The following MPPE1 variants were observed in gnomAD, a reference collection of about 807,000 sequenced individuals.
MPPE1 encodes the protein metallophosphoesterase 1.
Under a neutral mutation model 43.8 loss-of-function variants are expected in MPPE1, and 28 were observed. The ratio of observed to expected loss-of-function variants is 0.64; its 90% CI spans 0.47 to 0.88. MPPE1 has a LOEUF of 0.88. Among genes scored for constraint, MPPE1 ranks in the 40% least tolerant of loss-of-function variants. The probability of loss-of-function intolerance (pLI) is 0.00; values close to 1 mark genes in which losing one functional copy is unlikely to be tolerated. For missense variants in MPPE1, 428 were observed against 492.2 expected (o/e 0.87, Z 1.23); for synonymous variants, 159 against 188.5 (o/e 0.84, Z 1.28).
chr18:11,889,868 A>G lies in MPPE1; in HGVS notation c.391-378T>C, dbSNP rs187541367. Among the ~76,000 whole-genome samples, 87 of 147,802 alleles carry G rather than the reference A, an allele frequency of 5.9e-4. No individual in the cohort carries two copies. The East Asian group carries it at 0.013, about 22-fold the overall frequency. ...ATTACAGGTATGAGCCAACGCACCC[A>G]GCCAATGATCCCTATTTTGATGTGA... On this transcript the variant is annotated intron_variant, in intron 4 of 10. Transcript: ENST00000588072.
intron 3 of MPPE1, among the ~76,000 whole-genome samples, chr18:11,896,095 C>CTTTT (rs1178920790): frequency 8.1e-4 from 65 of 80,440 alleles, no homozygotes; most frequent in Non-Finnish European, 1.2e-3. Context: ...ATTCTTTATT[C>CTTTT]TTTTTTTTTT....
chr18:11,901,855 G>A (rs2039242704), intron 2 of MPPE1, among the ~76,000 whole-genome samples: 1 of 152,046 alleles, frequency 6.6e-6, no homozygotes, highest in Non-Finnish European at 1.5e-5. Flanking sequence ...AATAAATAAA[G>A]GGGGAACGGC....
At chr18:11,896,251 G>GCTCAGCTTACAGGCGCCCA (rs2144538880) in intron 3 of MPPE1, among the ~76,000 whole-genome samples, 1 of 151,862 alleles carries the variant, frequency 6.6e-6, no homozygotes, top group African/African-American at 2.4e-5. Flanking sequence ...ACAGGCGCCC[G>GCTCAGCTTACAGGCGCCCA]CCATCATGCT....
intron 2 of MPPE1, among the ~76,000 whole-genome samples, chr18:11,900,830 C>G (rs991777124): frequency 2.0e-5 from 3 of 150,956 alleles, no homozygotes; most frequent in African/African-American, 7.4e-5. Flanking sequence ...TGGCGTGAAC[C>G]CAGGAGGCAA....
At chr18:11,890,144 G>C (rs979298418) in intron 4 of MPPE1, among the ~76,000 whole-genome samples, 2 of 141,004 alleles carry the variant, frequency 1.4e-5, no homozygotes, top group East Asian at 2.3e-4. Context: ...GGGTTTCACT[G>C]TGTTAGCCAG....
At chr18:11,894,512 G>A (rs1197924215) in intron 3 of MPPE1, among the ~76,000 whole-genome samples, 1 of 149,302 alleles carries the variant, frequency 6.7e-6, no homozygotes, top group Non-Finnish European at 1.5e-5. Context: ...TCAATCCATT[G>A]AAAAGCTGTG....
chr18:11,906,753 C>T (rs1192649487), intron 1 of MPPE1, among the ~76,000 whole-genome samples: 1 of 151,602 alleles, frequency 6.6e-6, no homozygotes, highest in Non-Finnish European at 1.5e-5. Context: ...ACTCGGGAGG[C>T]TGAGGCAGGA....
At chr18:11,888,215 A>T (rs1390495989) in intron 6 of MPPE1, among the ~76,000 whole-genome samples, 2 of 152,232 alleles carry the variant, frequency 1.3e-5, no homozygotes, top group African/African-American at 2.4e-5. Context: ...GCCAATGGAG[A>T]TGGGTGGCAC....
chr18:11,900,715 G>T (rs1330006286), intron 2 of MPPE1, among the ~76,000 whole-genome samples: 3 of 151,800 alleles, frequency 2.0e-5, no homozygotes, highest in Non-Finnish European at 4.4e-5. Flanking sequence ...AGACCATCCT[G>T]GCTAACACGG....
At position 11,884,459 on chromosome 18, in the gene MPPE1, G is replaced by T; in HGVS notation, c.1177C>A (p.Arg393Ser). The T allele has an allele frequency of 6.2e-7, 1 of 1,613,916 alleles. No homozygotes were observed. ...FLSGLNLLGK[R>S]KTR Reference sequence around the variant, plus strand: ...GCGCCTGCTCTTCATCTTGTCTTACGCTTTCCGAGCAAGTTCAAACCAGAA... The same window carrying T: ...GCGCCTGCTCTTCATCTTGTCTTACTCTTTCCGAGCAAGTTCAAACCAGAA... Residue 393 changes from arginine (R) to serine (S), a missense_variant, in exon 11 of 11, where the codon CGT becomes AGT. Coordinates refer to ENST00000588072, the MANE Select transcript of MPPE1 (RefSeq NM_023075.6).
At chr18:11,884,994 GAGGGA>G in intron 10 of MPPE1, 1 of 1,302,970 alleles carries the variant, frequency 7.7e-7, no homozygotes. Context: ...GAGGAACAAG[GAGGGA>G]AAGGTGTCTT....
intron 5 of MPPE1, among the ~76,000 whole-genome samples, 168 bp from the exon 6 acceptor site, chr18:11,888,911 A>G (rs540214164): frequency 6.6e-6 from 1 of 152,190 alleles, no homozygotes; most frequent in Non-Finnish European, 1.5e-5. Flanking sequence ...TAGTTCCACT[A>G]CTTACTATGA....
At chr18:11,892,355 GAAAA>G (rs548540889) in intron 4 of MPPE1, among the ~76,000 whole-genome samples, 395 of 93,512 alleles carry the variant, frequency 4.2e-3, no homozygotes, top group African/African-American at 0.013. Context: ...GCACCAAAAA[GAAAA>G]AAAAAAAAAA....
intron 10 of MPPE1, chr18:11,884,935 T>C: frequency 7.7e-7 from 1 of 1,292,368 alleles, no homozygotes; most frequent in African/African-American, 1.5e-5. Flanking sequence ...GGGGGATCCA[T>C]AACAGAGATT....
intron 4 of MPPE1, among the ~76,000 whole-genome samples, chr18:11,892,475 G>C (rs2038111788): frequency 1.3e-5 from 2 of 152,086 alleles, no homozygotes; most frequent in South Asian, 4.1e-4. Context: ...TTTGAGACCA[G>C]CCTGACCAAC....
Position 11,886,782 on chromosome 18 carries a change from C to G in MPPE1, c.679-4G>C. ...CACACCGGCTGGAGCCACGTGCCTGCTGGGTACAAGTCAGGCCATTAATCC... is the reference window on the plus strand; with the variant it reads ...CACACCGGCTGGAGCCACGTGCCTGGTGGGTACAAGTCAGGCCATTAATCC... On this transcript the variant is annotated splice_polypyrimidine_tract_variant and splice_region_variant and intron_variant, in intron 7 of 10. Coordinates refer to ENST00000588072, the MANE Select transcript of MPPE1 (RefSeq NM_023075.6). This position sits in a 1 kb window ranked among gnomAD's most constrained non-coding sequence, Gnocchi z 4.1. The G allele has an allele frequency of 6.2e-7, 1 of 1,612,688 alleles. No individual in the cohort carries two copies. Among genetic ancestry groups the G allele is most frequent in the South Asian group, 1.1e-5 (1 of 91,016 alleles).
intron 10 of MPPE1, 113 bp from the exon 11 acceptor site, chr18:11,884,740 G>A: frequency 7.4e-7 from 1 of 1,347,962 alleles, no homozygotes; most frequent in Non-Finnish European, 1.0e-6. Context: ...AGGTGAGGCA[G>A]GGAACGGGCC....
intron 10 of MPPE1, chr18:11,885,084 T>C (rs1386688271): frequency 1.6e-6 from 2 of 1,263,796 alleles, no homozygotes; most frequent in Non-Finnish European, 2.0e-6. Flanking sequence ...TGGGCTTTTC[T>C]TTGCAGATAC....
rs562516000 is a variant in MPPE1, at chr18:11,883,359, T to A, written c.*1086A>T. On this transcript the variant is annotated 3_prime_UTR_variant, in exon 11 of 11. Coordinates refer to ENST00000588072, the MANE Select transcript of MPPE1 (RefSeq NM_023075.6). ...CTGCACCCCCAGCAAGAAAGGGAAG[T>A]ATGCTGTTGTATGCATCATTACTCA... The A allele has an allele frequency of 2.0e-5, 3 of 153,316 alleles. No homozygotes were observed. The East Asian group carries it at 5.8e-4, about 30-fold the overall frequency. 9.5% of individuals were successfully genotyped at this position (153,316 alleles called of 1,614,324 possible). A position where few individuals can be genotyped will look rare whatever the true frequency, so the allele number is the denominator to read the frequency against.
Sources: gnomAD v4.1 joint callset for allele counts (sites outside exome capture counted in the v4.1 genomes callset) on GRCh38, gnomAD v4.1.1 for gene constraint, Gnocchi (gnomAD v3.1) non-coding constraint, MANE v1.5 for transcripts, NCBI Gene and HGNC (gene_info 2026-07-23, HGNC 2026-07-21) for gene names.